Variants in TNNT2 observed in about 807,000 individuals in gnomAD.
The protein encoded by TNNT2 is troponin T, cardiac muscle.
In TNNT2, 34 loss-of-function variants were observed where a neutral mutation model predicts 62.4. The ratio of observed to expected loss-of-function variants is 0.54; its 90% confidence interval spans 0.41 to 0.72. The LOEUF (loss-of-function observed/expected upper bound fraction) is 0.72. TNNT2 is among the 30% of genes least tolerant of loss of function. The pLI, the probability that TNNT2 is intolerant of heterozygous loss-of-function variation, is 0.00. For missense variants in TNNT2, 275 were observed against 381.9 expected (o/e 0.72, Z 2.33); for synonymous variants, 123 against 127.2 (o/e 0.97, Z 0.22).
intron 7 of TNNT2, chr1:201,367,285 A>AAGCTG (rs1208938160): frequency 2.6e-6 from 1 of 389,958 alleles, no homozygotes; most frequent in African/African-American, 2.1e-5. Context: ...CACAGGGCAG[A>AAGCTG]AGCTGATGAC....
chr1:201,374,924 GAA>G (rs1264802688), intron 1 of TNNT2: 3 of 152,246 alleles, frequency 2.0e-5, no homozygotes, highest in African/African-American at 7.2e-5. Flanking sequence ...TGAGGCGGGA[GAA>G]GAATCCAAAT....
intron 4 of TNNT2, 134 bp downstream of exon 4, chr1:201,371,893 G>A: frequency 8.5e-7 from 1 of 1,183,242 alleles, no homozygotes; most frequent in East Asian, 2.5e-5. Context: ...ATTTTAGAAG[G>A]CACTGTTGTT....
Position 201,359,658 on chromosome 1 carries a change from A to G in TNNT2, c.816T>C (p.Asn272=), listed in dbSNP as rs768470426. The change falls in exon 16 of 17, where the codon AAT becomes AAC. Residue 272 remains asparagine, a synonymous_variant. Transcript: ENST00000656932. The part of the protein sequence containing the change: ...EKFKQQKYEI[N]VLRNRINDNQ... ...TATCGTTGATCCTGTTTCGGAGAACATTGATCTGCAAGAAAAGTGGGAAGG... is the reference window on the plus strand; with the variant it reads ...TATCGTTGATCCTGTTTCGGAGAACGTTGATCTGCAAGAAAAGTGGGAAGG... 2.5e-6 allele frequency: 4 copies of G among 1,591,678 alleles called. No individual in the cohort carries two copies. In the South Asian group the frequency reaches 3.4e-5, roughly 14 times the overall value.
chr1:201,365,753 C>T (rs781626877), intron 8 of TNNT2, 83 bp from the exon 9 acceptor site: 1 of 1,575,660 alleles, frequency 6.3e-7, no homozygotes, highest in Middle Eastern at 1.7e-4. Flanking sequence ...GGCCCTGATC[C>T]TTCCTAGAGA....
chr1:201,365,546 T>A, intron 9 of TNNT2, 64 bp downstream of exon 9: 6 of 1,562,396 alleles, frequency 3.8e-6, no homozygotes, highest in Non-Finnish European at 5.3e-6. Context: ...ACAAAATCTC[T>A]GTCACTGAGG....
chr1:201,366,711 A>C (rs940776681), intron 8 of TNNT2, 127 bp downstream of exon 8: 1 of 1,599,054 alleles, frequency 6.3e-7, no homozygotes, highest in Non-Finnish European at 8.5e-7. Flanking sequence ...GTACAACTGT[A>C]CTGTGGTGCT....
chr1:201,364,120 G>T, intron 11 of TNNT2, 178 bp downstream of exon 11: 1 of 638,010 alleles, frequency 1.6e-6, no homozygotes. Context: ...CCAACCTCAA[G>T]TGATCTACCC....
intron 5 of TNNT2, chr1:201,369,279 C>T (rs1455861772): frequency 8.5e-6 from 4 of 472,266 alleles, no homozygotes; most frequent in East Asian, 6.9e-5. Flanking sequence ...CACTCCCTTG[C>T]CTTGGTCCTG....
chr1:201,363,653 G>GC, intron 11 of TNNT2: 1 of 509,794 alleles, frequency 2.0e-6, no homozygotes, highest in Non-Finnish European at 3.6e-6. Flanking sequence ...AGCTGGGAGT[G>GC]CCCCTGGAAG....
chr1:201,377,538 G>T (rs1419074001), intron 1 of TNNT2, 85 bp downstream of exon 1: 2 of 456,076 alleles, frequency 4.4e-6, no homozygotes, highest in Non-Finnish European at 8.8e-6. Context: ...GCAGACTCTG[G>T]GTAAATATGC....
At chr1:201,367,952 A>T (rs1659955380) in intron 6 of TNNT2, 146 bp from the exon 7 acceptor site, 2 of 1,089,096 alleles carry the variant, frequency 1.8e-6, no homozygotes, top group Non-Finnish European at 2.8e-6. Context: ...TCTCTCACAC[A>T]CACATTCCCC....
intron 15 of TNNT2, chr1:201,361,023 C>A (rs1004904484): frequency 3.7e-6 from 2 of 541,360 alleles, no homozygotes; most frequent in East Asian, 6.9e-5. Context: ...GTGTTGGAGA[C>A]CCCCAGGGTT....
rs2102228364 is a variant in TNNT2, at chr1:201,361,264, A to G, written c.810+15T>C. Reference sequence around the variant, plus strand: ...TGAGATGGAGATGCTGGGCGGGGACAGCATGGCGGCCCACCTCATATTTCT... The same window carrying G: ...TGAGATGGAGATGCTGGGCGGGGACGGCATGGCGGCCCACCTCATATTTCT... On this transcript the variant is annotated intron_variant, in intron 15 of 16. Transcript: ENST00000656932. 6.2e-7 allele frequency: 1 copy of G among 1,613,366 alleles called. No individual in the cohort carries two copies. Among genetic ancestry groups the G allele is most frequent in the Non-Finnish European group, 8.5e-7 (1 of 1,179,310 alleles).
At chr1:201,360,162 A>T (rs1240355674) in intron 15 of TNNT2, among the ~76,000 whole-genome samples, 1 of 152,172 alleles carries the variant, frequency 6.6e-6, no homozygotes, top group Non-Finnish European at 1.5e-5. Context: ...GGAACCAAAA[A>T]AAGAGAAAAA....
At chr1:201,359,472 C>G in intron 16 of TNNT2, 151 bp downstream of exon 16, 2 of 979,638 alleles carry the variant, frequency 2.0e-6, no homozygotes, top group Non-Finnish European at 1.6e-6. Context: ...AAGCACGAGG[C>G]CCCGGAGGAG....
At chr1:201,369,720 A>G (rs1660313014) in intron 5 of TNNT2, 96 bp downstream of exon 5, 2 of 1,529,750 alleles carry the variant, frequency 1.3e-6, no homozygotes, top group East Asian at 4.5e-5. Flanking sequence ...CCGCCTACTC[A>G]CACCCCCCAG....
At chr1:201,368,977 T>C (rs1485789546) in intron 5 of TNNT2, among the ~76,000 whole-genome samples, 1 of 152,202 alleles carries the variant, frequency 6.6e-6, no homozygotes, top group East Asian at 1.9e-4. Context: ...AGCCTGGAGA[T>C]GCCTTTTATT....
chr1:201,362,056 G>A (rs1433447009), intron 13 of TNNT2, 34 bp from the exon 14 acceptor site: 1 of 1,608,228 alleles, frequency 6.2e-7, no homozygotes, highest in Non-Finnish European at 8.5e-7. Context: ...AAACTGGCCA[G>A]ATTGCCCCCT....
In TNNT2 at chr1:201,359,270, G is replaced by A; in HGVS notation, c.852-15C>T. The A allele has an allele frequency of 6.2e-7, 1 of 1,609,878 alleles. No individual in the cohort carries two copies. The highest frequency in any genetic ancestry group is 8.5e-7 in the Non-Finnish European group (1 of 1,178,710). ...GGGTCTTGGAGCTGCAGGGGAAGCA[G>A]GACGCAGTGACATGGAGACACAGGC... On this transcript the variant is annotated splice_polypyrimidine_tract_variant and intron_variant, in intron 16 of 16. Transcript: ENST00000656932.
Sources: allele counts gnomAD v4.1 joint callset (sites outside exome capture counted in the v4.1 genomes callset), GRCh38; gene constraint gnomAD v4.1.1; transcripts MANE v1.5; gene names NCBI Gene and HGNC (gene_info 2026-07-23, HGNC 2026-07-21).